The following PPARGC1A variants were observed in gnomAD, a reference collection of about 807,000 sequenced individuals.
PPARGC1A encodes the protein PPARG coactivator 1 alpha, also known as peroxisome proliferator-activated receptor gamma coactivator 1-alpha.
Under a neutral mutation model 88.7 loss-of-function variants are expected in PPARGC1A, and 25 were observed. The ratio of observed to expected loss-of-function variants is 0.28; its 90% CI spans 0.21 to 0.39. The LOEUF (loss-of-function observed/expected upper bound fraction) is 0.39, where lower values mean the gene tolerates loss of function less well. Ranked by LOEUF, PPARGC1A falls within the 10% of genes least tolerant of loss-of-function variation. The probability of loss-of-function intolerance (pLI) is 1.00; values close to 1 mark genes in which losing one functional copy is unlikely to be tolerated. For synonymous variants in PPARGC1A, 363 were observed against 355.6 expected, an observed-to-expected ratio of 1.02 and a Z score of -0.24; for missense variants, 880 against 968.7, an observed-to-expected ratio of 0.91 and a Z score of 1.22.
chr4:23,795,767 G>C lies in PPARGC1A; in HGVS notation c.*55C>G. ...CTTGCAATAGTCTTTAGGGAAGGAC[G>C]CGCTGTCCCATGAGGTATTCGCCAT... On this transcript the variant is annotated 3_prime_UTR_variant, in exon 13 of 13. Transcript: ENST00000264867. 1 of 1,361,962 alleles carries C rather than the reference G, an allele frequency of 7.3e-7. No homozygotes were observed. 84.4% of individuals were successfully genotyped at this position (1,361,962 alleles called of 1,614,324 possible). A position where few individuals can be genotyped will look rare whatever the true frequency, so the allele number is the denominator to read the frequency against.
the PPARGC1A span, among the ~76,000 whole-genome samples, chr4:24,161,981 C>T: frequency 1.0e-4 from 15 of 148,306 alleles, no homozygotes; most frequent in East Asian, 1.7e-3. Context: ...CACACACACA[C>T]ACACACACAC....
At chr4:24,454,189 G>C in the PPARGC1A span, among the ~76,000 whole-genome samples, 1 of 151,292 alleles carries the variant, frequency 6.6e-6, no homozygotes, top group African/African-American at 2.4e-5. Context: ...GCTGACTGAA[G>C]ACATAAGTGA....
In PPARGC1A at chr4:23,814,633, AAAAG is replaced by A. The variant is rs778702215; in HGVS notation, c.878-32_878-29del. 10 of 1,471,952 alleles carry A rather than the reference AAAAG, an allele frequency of 6.8e-6. No homozygotes were observed. In the African/African-American group the frequency reaches 7.2e-5, roughly 11 times the overall value. 91.2% of individuals were successfully genotyped at this position (1,471,952 alleles called of 1,614,324 possible). A position where few individuals can be genotyped will look rare whatever the true frequency, so the allele number is the denominator to read the frequency against. On this transcript the variant is annotated intron_variant, in intron 7 of 12. Coordinates refer to ENST00000264867, the MANE Select transcript of PPARGC1A (RefSeq NM_013261.5). ...AAGGCAAAAATTAAAAAAAAAAAAA[AAAAG>A]AGAGAGAAAGAAAAGAGACAGAGAT...
the PPARGC1A span, among the ~76,000 whole-genome samples, chr4:24,123,030 T>C: frequency 6.6e-6 from 1 of 152,134 alleles, no homozygotes; most frequent in Admixed American, 6.5e-5. Context: ...TGTGTGTGCA[T>C]GTGTGTGCAA....
chr4:24,466,880 C>T, the PPARGC1A span, among the ~76,000 whole-genome samples: 2 of 20,030 alleles, frequency 1.0e-4, no homozygotes, highest in African/African-American at 1.9e-4. Context: ...CACCACTGCA[C>T]ACCAGCAAAA....
chr4:24,466,599 A>G, the PPARGC1A span, among the ~76,000 whole-genome samples: 3 of 152,354 alleles, frequency 2.0e-5, no homozygotes, highest in Middle Eastern at 3.4e-3. Flanking sequence ...ATATGGAACA[A>G]CAATTGATAA....
chr4:23,887,592 G>C (rs952166297), intron 1 of PPARGC1A, among the ~76,000 whole-genome samples: 2 of 152,068 alleles, frequency 1.3e-5, no homozygotes, highest in African/African-American at 4.8e-5. Context: ...AACACAAAAG[G>C]CTAATTATTG....
At chr4:24,396,278 C>T in the PPARGC1A span, among the ~76,000 whole-genome samples, 6 of 152,104 alleles carry the variant, frequency 3.9e-5, no homozygotes, top group Non-Finnish European at 7.4e-5. Context: ...GGCAGCAGCG[C>T]GTCAAGGAAT....
the PPARGC1A span, among the ~76,000 whole-genome samples, chr4:24,458,718 T>TA: frequency 1.3e-5 from 2 of 152,072 alleles, no homozygotes; most frequent in Non-Finnish European, 2.9e-5. Context: ...TCATAATTGG[T>TA]GACAACCTAA....
At chr4:23,876,311 A>G (rs1468262563) in intron 2 of PPARGC1A, among the ~76,000 whole-genome samples, 1 of 152,228 alleles carries the variant, frequency 6.6e-6, no homozygotes, top group Non-Finnish European at 1.5e-5. Flanking sequence ...AGCATACCCA[A>G]ACTGCTTCCA....
At chr4:24,364,987 G>A in the PPARGC1A span, among the ~76,000 whole-genome samples, 1 of 152,024 alleles carries the variant, frequency 6.6e-6, no homozygotes, top group African/African-American at 2.4e-5. Context: ...ACATATGCAA[G>A]GAGACTAAGG....
the PPARGC1A span, among the ~76,000 whole-genome samples, chr4:24,432,691 CTGAG>C: frequency 6.6e-6 from 1 of 152,198 alleles, no homozygotes; most frequent in South Asian, 2.1e-4. Context: ...TTGTGTGATC[CTGAG>C]TGTGTCACCA....
In PPARGC1A at chr4:23,837,158, CAGA is replaced by C. The variant is rs1353625880; in HGVS notation, c.235-5410_235-5408del. Among the ~76,000 whole-genome samples, 4 of 152,188 alleles carry C rather than the reference CAGA, an allele frequency of 2.6e-5. No individual in the cohort carries two copies. In the South Asian group the frequency reaches 6.2e-4, roughly 24 times the overall value. On this transcript the variant is annotated intron_variant, in intron 2 of 12. Coordinates refer to ENST00000264867, the MANE Select transcript of PPARGC1A (RefSeq NM_013261.5). Reference sequence around the variant, plus strand: ...TTGGCTCTCTTAATGTGAATTAGGCCAGAAGAATTCTCGCTTCCTCATTATTCA... The same window carrying C: ...TTGGCTCTCTTAATGTGAATTAGGCCAGAATTCTCGCTTCCTCATTATTCA...
chr4:23,967,327 T>TAA, the PPARGC1A span, among the ~76,000 whole-genome samples: 1 of 152,296 alleles, frequency 6.6e-6, no homozygotes, highest in East Asian at 1.9e-4. Context: ...AATTTCTATG[T>TAA]CCCCGCTTTT....
At chr4:24,206,840 TAAAAAAAAAAAAAA>T in the PPARGC1A span, among the ~76,000 whole-genome samples, 6,966 of 43,814 alleles carry the variant, frequency 0.16, 353 homozygotes, top group South Asian at 0.29. Context: ...GACTTCACCT[TAAAAAAAAAAAAAA>T]AAAAAAAAAA....
At chr4:24,133,363 G>A in the PPARGC1A span, among the ~76,000 whole-genome samples, 1 of 152,118 alleles carries the variant, frequency 6.6e-6, no homozygotes, top group Non-Finnish European at 1.5e-5. Flanking sequence ...CTAGTCATGG[G>A]TTTTATCTTA....
At chr4:24,226,430 A>G in the PPARGC1A span, among the ~76,000 whole-genome samples, 1 of 152,230 alleles carries the variant, frequency 6.6e-6, no homozygotes, top group Non-Finnish European at 1.5e-5. Context: ...AAGGAGGATT[A>G]GGGAGACATG....
the PPARGC1A span, among the ~76,000 whole-genome samples, chr4:24,054,692 C>A: frequency 1.3e-5 from 2 of 152,130 alleles, no homozygotes; most frequent in Admixed American, 1.3e-4. Flanking sequence ...TTTTAATAAT[C>A]TGAGAAATTC....
At chr4:24,145,078 A>AGT in the PPARGC1A span, among the ~76,000 whole-genome samples, 7,692 of 144,248 alleles carry the variant, frequency 0.053, 225 homozygotes, top group East Asian at 0.13. Flanking sequence ...GTGTTGAATG[A>AGT]GTGTGTGTGT....
Sources: allele counts gnomAD v4.1 joint callset (sites outside exome capture counted in the v4.1 genomes callset), GRCh38; gene constraint gnomAD v4.1.1; transcripts MANE v1.5; gene names NCBI Gene and HGNC (gene_info 2026-07-23, HGNC 2026-07-21).